The following EPB41L4A variants were observed in gnomAD, a reference collection of about 807,000 sequenced individuals.
EPB41L4A encodes band 4.1-like protein 4A.
EPB41L4A carries 100 observed loss-of-function variants against 108.6 expected under a neutral mutation model. That is an observed-to-expected ratio of 0.92 (90% CI 0.78 to 1.09). The LOEUF (loss-of-function observed/expected upper bound fraction) is 1.09, where lower values mean the gene tolerates loss of function less well. EPB41L4A is among the 50% of genes least tolerant of loss of function. EPB41L4A has a pLI of 0.00. For missense variants in EPB41L4A, 1,030 were observed against 842.7 expected (o/e 1.22, Z -2.75); for synonymous variants, 319 against 289.0 (o/e 1.10, Z -1.05).
intron 1 of EPB41L4A, among the ~76,000 whole-genome samples, chr5:112,375,814 C>T (rs541164842): frequency 1.3e-5 from 2 of 152,134 alleles, no homozygotes; most frequent in South Asian, 4.2e-4. Context: ...CTGTAATTTG[C>T]CTTTGGATTG....
chr5:112,356,489 T>C (rs934466703), intron 1 of EPB41L4A, among the ~76,000 whole-genome samples: 10 of 152,230 alleles, frequency 6.6e-5, no homozygotes, highest in Admixed American at 3.3e-4. Context: ...AGAGCGAATC[T>C]AGCCTCTAGC....
chr5:112,274,516 T>C (rs1752487708), intron 4 of EPB41L4A, among the ~76,000 whole-genome samples: 1 of 152,152 alleles, frequency 6.6e-6, no homozygotes, highest in South Asian at 2.1e-4. Context: ...GATGAAAGCA[T>C]GGAATAGAAA....
At chr5:112,339,651 A>G (rs1170673522) in intron 1 of EPB41L4A, among the ~76,000 whole-genome samples, 1 of 151,320 alleles carries the variant, frequency 6.6e-6, no homozygotes, top group African/African-American at 2.4e-5. Context: ...CCCCCGCCTC[A>G]GCCTCCTGAG....
chr5:112,359,632 C>T lies in EPB41L4A; in HGVS notation c.100-52142G>A, dbSNP rs1336985389. On this transcript the variant is annotated intron_variant, in intron 1 of 22. Coordinates refer to ENST00000261486, the MANE Select transcript of EPB41L4A (RefSeq NM_022140.5). Reference sequence around the variant, plus strand: ...CTCAGCTCACTGCCAGCTCCGCCTCCCGGGTTCACACCATTCTCCTGCCTC... The same window carrying T: ...CTCAGCTCACTGCCAGCTCCGCCTCTCGGGTTCACACCATTCTCCTGCCTC... Among the ~76,000 whole-genome samples, 3 of 152,060 alleles carry T rather than the reference C, an allele frequency of 2.0e-5. No homozygotes were observed. In the East Asian group the frequency reaches 5.8e-4, roughly 29 times the overall value.
chr5:112,176,299 T>A (rs1001209273), intron 18 of EPB41L4A, among the ~76,000 whole-genome samples: 65 of 152,316 alleles, frequency 4.3e-4, no homozygotes, highest in African/African-American at 1.4e-3. Flanking sequence ...CTCAGGCTTT[T>A]AACAGTCATA....
chr5:112,212,710 T>C (rs917172018), intron 12 of EPB41L4A, among the ~76,000 whole-genome samples: 2 of 152,210 alleles, frequency 1.3e-5, no homozygotes, highest in Non-Finnish European at 2.9e-5. Context: ...GTCCTAGGGC[T>C]GTTTTCCTAG....
intron 3 of EPB41L4A, among the ~76,000 whole-genome samples, chr5:112,276,572 A>C (rs1385896774): frequency 6.6e-6 from 1 of 152,188 alleles, no homozygotes; most frequent in African/African-American, 2.4e-5. Context: ...TTCCAACAAA[A>C]GCTCTCCCAC....
downstream of EPB41L4A, chr5:112,161,150 G>A (rs763796927): frequency 5.1e-6 from 1 of 196,644 alleles, no homozygotes; most frequent in Non-Finnish European, 1.1e-5. Flanking sequence ...GATAAGCCTG[G>A]TTTTATTTTC....
At chr5:112,239,777 G>T in intron 10 of EPB41L4A, 40 bp from the exon 11 acceptor site, 1 of 1,437,332 alleles carries the variant, frequency 7.0e-7, no homozygotes, top group Non-Finnish European at 9.7e-7. Flanking sequence ...AAGACTCAAT[G>T]TTATAGGCAT....
intron 1 of EPB41L4A, among the ~76,000 whole-genome samples, chr5:112,400,988 A>T (rs1761712430): frequency 6.6e-6 from 1 of 152,156 alleles, no homozygotes; most frequent in Admixed American, 6.5e-5. Flanking sequence ...TAATGATGAA[A>T]ATAAGAAGTT....
chr5:112,242,182 C>T (rs746399462), intron 9 of EPB41L4A, among the ~76,000 whole-genome samples: 16 of 152,288 alleles, frequency 1.1e-4, no homozygotes, highest in South Asian at 2.1e-4. Flanking sequence ...CTCTGCAGCA[C>T]GTGATATTGT....
At chr5:112,272,658 G>T (rs1752344481) in intron 4 of EPB41L4A, among the ~76,000 whole-genome samples, 1 of 151,406 alleles carries the variant, frequency 6.6e-6, no homozygotes, top group African/African-American at 2.4e-5. Flanking sequence ...GTGGGCGCCT[G>T]TAATCCCAGC....
At chr5:112,159,344 C>A (rs1163720066), downstream of EPB41L4A, among the ~76,000 whole-genome samples, 4 of 152,164 alleles carry the variant, frequency 2.6e-5, no homozygotes, top group Non-Finnish European at 5.9e-5. Context: ...CTGGATGAAT[C>A]TCTGCTAGGA....
chr5:112,253,813 T>A (rs1263767495), intron 9 of EPB41L4A, among the ~76,000 whole-genome samples: 1 of 152,232 alleles, frequency 6.6e-6, no homozygotes, highest in Non-Finnish European at 1.5e-5. Context: ...TTTTAATTTT[T>A]ACAACTTTTT....
At chr5:112,218,100 T>G (rs1211107038) in intron 12 of EPB41L4A, among the ~76,000 whole-genome samples, 1 of 152,076 alleles carries the variant, frequency 6.6e-6, no homozygotes, top group Non-Finnish European at 1.5e-5. Context: ...TCACAGACAG[T>G]CCTCCTTGTG....
At chr5:112,265,115 T>G in intron 5 of EPB41L4A, 99 bp from the exon 6 acceptor site, 2 of 1,113,832 alleles carry the variant, frequency 1.8e-6, no homozygotes, top group Non-Finnish European at 2.5e-6. Context: ...TTTTTTCAAA[T>G]GTCTTACTAA....
intron 1 of EPB41L4A, among the ~76,000 whole-genome samples, chr5:112,354,752 T>C (rs1758266075): frequency 6.6e-6 from 1 of 152,214 alleles, no homozygotes; most frequent in African/African-American, 2.4e-5. Context: ...AGATTAACAG[T>C]ATATACTTTA....
Position 112,147,854 on chromosome 5 carries a change from C to T in EPB41L4A, n.995-1856G>A, listed in dbSNP as rs555972031. 4.1e-4 allele frequency among the ~76,000 whole-genome samples: 62 copies of T among 151,836 alleles called. 1 individual carries two copies. In the East Asian group the frequency reaches 0.011, roughly 27 times the overall value. ...CAGCATTTGAGACCAGCCTGGCCAA[C>T]GTGGTGAAACCTTGTCTCTACTAAA... On this transcript the variant is annotated intron_variant and non_coding_transcript_variant, in intron 12 of 13. Transcript: ENST00000507810.
At chr5:112,204,288 G>C (rs1046523456) in intron 15 of EPB41L4A, 87 bp downstream of exon 15, 4 of 764,818 alleles carry the variant, frequency 5.2e-6, no homozygotes, top group Non-Finnish European at 9.0e-6. Context: ...CAGTAATGTC[G>C]GTATAAGAAT....
Sources: allele counts gnomAD v4.1 joint callset (sites outside exome capture counted in the v4.1 genomes callset), GRCh38; gene constraint gnomAD v4.1.1; transcripts MANE v1.5; gene names NCBI Gene and HGNC (gene_info 2026-07-23, HGNC 2026-07-21).